MAGI2: variants seen among roughly 807,000 people sequenced by gnomAD.
MAGI2 encodes membrane-associated guanylate kinase, WW and PDZ domain-containing protein 2.
In MAGI2, 35 loss-of-function variants were observed where a neutral mutation model predicts 133.3. The ratio of observed to expected loss-of-function variants is 0.26; its 90% CI spans 0.20 to 0.35. The LOEUF is 0.35. Ranked by LOEUF, MAGI2 falls within the 10% of genes least tolerant of loss-of-function variation. The pLI is 1.00. For synonymous variants in MAGI2, 729 were observed against 710.6 expected (o/e 1.03, Z -0.41); for missense variants, 1,636 against 1,863.4 (o/e 0.88, Z 2.25).
At position 78,358,564 on chromosome 7, in the gene MAGI2, G is replaced by T. The variant is rs34053130; in HGVS notation, c.1103+10592C>A. 9.4e-3 allele frequency: 1,464 copies of T among 155,068 alleles called. 8 individuals are homozygous for T. The highest frequency in any genetic ancestry group is 0.016 in the Non-Finnish European group (1,114 of 69,518). The allele number at this position is 155,068 out of a possible 1,614,324, so 9.6% of individuals were successfully genotyped here. The stretch of plus-strand genomic sequence containing the variant: ...GGCCTTGCAGAACCAAGTGGGGCCA[G>T]GCTGCCCTGGACCACCTTATGGTGT... On this transcript the variant is annotated intron_variant, in intron 7 of 21. Transcript: ENST00000354212.
At chr7:78,970,987 C>T (rs535324439) in intron 2 of MAGI2, among the ~76,000 whole-genome samples, 110 of 152,120 alleles carry the variant, frequency 7.2e-4, no homozygotes, top group Non-Finnish European at 1.4e-3. Context: ...TCGTACTTTC[C>T]AAATGACTTA....
intron 2 of MAGI2, among the ~76,000 whole-genome samples, chr7:78,838,523 T>C (rs1791854907): frequency 6.6e-6 from 1 of 151,630 alleles, no homozygotes; most frequent in Non-Finnish European, 1.5e-5. Context: ...TGTGTGTGTG[T>C]GTGTGTGTGT....
At chr7:78,484,677 A>G (rs1792786550) in intron 6 of MAGI2, 1 of 106,824 alleles carries the variant, frequency 9.4e-6, no homozygotes, top group Non-Finnish European at 1.7e-5. Context: ...TAGGATAACT[A>G]TTCTGAATTT....
At chr7:78,452,353 G>C (rs948357688) in intron 6 of MAGI2, among the ~76,000 whole-genome samples, 2 of 151,892 alleles carry the variant, frequency 1.3e-5, no homozygotes, top group South Asian at 4.2e-4. Context: ...GTGATAGTAG[G>C]AGCAATGCAT....
At chr7:79,230,550 G>A (rs1278143121) in intron 1 of MAGI2, among the ~76,000 whole-genome samples, 3 of 151,788 alleles carry the variant, frequency 2.0e-5, no homozygotes, top group Non-Finnish European at 2.9e-5. Flanking sequence ...CAGTGATGAC[G>A]AGCATTTTTT....
chr7:78,257,757 T>G (rs1343780253), intron 9 of MAGI2, among the ~76,000 whole-genome samples: 1 of 152,188 alleles, frequency 6.6e-6, no homozygotes, highest in Non-Finnish European at 1.5e-5. Flanking sequence ...AAATTGAGAT[T>G]GTGCCTGACT....
intron 3 of MAGI2, among the ~76,000 whole-genome samples, chr7:78,559,029 C>A (rs1481085969): frequency 6.7e-6 from 1 of 148,176 alleles, no homozygotes; most frequent in Non-Finnish European, 1.5e-5. Context: ...ACAGTGTTCT[C>A]TGGTAATAGA....
chr7:78,651,628 A>T (rs1045067125), intron 2 of MAGI2, among the ~76,000 whole-genome samples: 3 of 152,138 alleles, frequency 2.0e-5, no homozygotes, highest in African/African-American at 7.2e-5. Context: ...CTATCCTAAA[A>T]GCAGAATAGA....
chr7:78,505,783 G>T (rs1017303358), intron 4 of MAGI2, among the ~76,000 whole-genome samples: 1 of 152,088 alleles, frequency 6.6e-6, no homozygotes, highest in African/African-American at 2.4e-5. Context: ...TATGTATATG[G>T]GATCTTCTGT....
intron 3 of MAGI2, among the ~76,000 whole-genome samples, chr7:78,523,151 C>T (rs1004507572): frequency 6.6e-6 from 1 of 152,160 alleles, no homozygotes; most frequent in South Asian, 2.1e-4. Flanking sequence ...AGAATTTAGG[C>T]TTGGCTTTTT....
intron 1 of MAGI2, among the ~76,000 whole-genome samples, chr7:79,197,421 G>A (rs1828180034): frequency 6.6e-6 from 1 of 152,042 alleles, no homozygotes; most frequent in South Asian, 2.1e-4. Context: ...TCACCACCTA[G>A]TATAGAACCT....
intron 10 of MAGI2, among the ~76,000 whole-genome samples, chr7:78,225,716 G>A (rs1218694521): frequency 1.3e-5 from 2 of 152,220 alleles, no homozygotes; most frequent in African/African-American, 2.4e-5. Context: ...GGCAAGGACT[G>A]ACCAGAGAGA....
chr7:79,134,969 G>A (rs1821250130), intron 1 of MAGI2, among the ~76,000 whole-genome samples: 1 of 152,178 alleles, frequency 6.6e-6, no homozygotes, highest in South Asian at 2.1e-4. Context: ...AATATTTTGA[G>A]ATGGATAGTG....
chr7:79,017,976 A>T (rs1808905342), intron 1 of MAGI2, among the ~76,000 whole-genome samples: 2 of 152,154 alleles, frequency 1.3e-5, no homozygotes, highest in African/African-American at 4.8e-5. Context: ...TGCCTGAGAG[A>T]CAGGGAGAGA....
chr7:79,230,501 G>A (rs1353473539), intron 1 of MAGI2, among the ~76,000 whole-genome samples: 5 of 151,726 alleles, frequency 3.3e-5, no homozygotes, highest in African/African-American at 1.2e-4. Flanking sequence ...GTGTGAGATG[G>A]TATCTCATTG....
At chr7:79,374,471 T>C (rs750121290) in intron 1 of MAGI2, among the ~76,000 whole-genome samples, 2 of 152,064 alleles carry the variant, frequency 1.3e-5, no homozygotes, top group African/African-American at 2.4e-5. Context: ...AATGGGAGCA[T>C]GGCCCCGCCA....
intron 1 of MAGI2, among the ~76,000 whole-genome samples, chr7:79,099,971 C>T (rs1335950577): frequency 2.0e-5 from 3 of 152,168 alleles, no homozygotes; most frequent in African/African-American, 7.2e-5. Context: ...TCCTTCTACA[C>T]TTTTCTCTTT....
intron 10 of MAGI2, among the ~76,000 whole-genome samples, chr7:78,209,614 C>T (rs749497517): frequency 6.6e-6 from 1 of 152,014 alleles, no homozygotes; most frequent in African/African-American, 2.4e-5. Context: ...ACCAAATTTC[C>T]GTCTTTTCTG....
intron 4 of MAGI2, among the ~76,000 whole-genome samples, chr7:78,509,542 G>T (rs1563101117): frequency 6.6e-6 from 1 of 152,166 alleles, no homozygotes; most frequent in African/African-American, 2.4e-5. Flanking sequence ...TGTGCATTTA[G>T]TTCAGTCCTT....
Sources: gnomAD v4.1 joint callset for allele counts (sites outside exome capture counted in the v4.1 genomes callset) on GRCh38, gnomAD v4.1.1 for gene constraint, MANE v1.5 for transcripts, NCBI Gene and HGNC (gene_info 2026-07-23, HGNC 2026-07-21) for gene names.